The following FRMD4A variants were observed in gnomAD, a reference collection of about 807,000 sequenced individuals.
FRMD4A encodes the protein FERM domain containing 4A.
A neutral mutation model predicts 129.1 loss-of-function variants in FRMD4A; 29 were observed. The observed-to-expected ratio is 0.22, with a 90% CI of 0.17 to 0.31. The LOEUF is 0.31. Ranked by LOEUF, FRMD4A falls within the 10% of genes least tolerant of loss-of-function variation. The pLI is 1.00. For synonymous variants in FRMD4A, 634 were observed against 571.6 expected (o/e 1.11, Z -1.56); for missense variants, 1,272 against 1,375.8 (o/e 0.92, Z 1.19).
chr10:14,245,705 C>T (rs1055581281), intron 2 of FRMD4A, among the ~76,000 whole-genome samples: 1 of 152,020 alleles, frequency 6.6e-6, no homozygotes, highest in Non-Finnish European at 1.5e-5. Flanking sequence ...ATGTGAAGAC[C>T]CAGGGAGAAG....
chr10:13,698,031 C>T (rs2086395494), intron 14 of FRMD4A, among the ~76,000 whole-genome samples: 1 of 146,062 alleles, frequency 6.8e-6, no homozygotes, highest in Non-Finnish European at 1.5e-5. Flanking sequence ...CAGCCTCCCT[C>T]CGCCCTGTCT....
intron 2 of FRMD4A, among the ~76,000 whole-genome samples, chr10:14,023,190 C>T (rs1387171053): frequency 6.6e-6 from 1 of 152,214 alleles, no homozygotes; most frequent in Non-Finnish European, 1.5e-5. Flanking sequence ...ACGCATTCCT[C>T]CTCCAGGCAT....
chr10:13,684,621 G>C (rs946431910), intron 15 of FRMD4A: 39 of 985,202 alleles, frequency 4.0e-5, no homozygotes, highest in Non-Finnish European at 4.7e-5. Context: ...GAAGACCCTG[G>C]GCGACTCAGC....
intron 13 of FRMD4A, among the ~76,000 whole-genome samples, chr10:13,702,421 A>G (rs545481567): frequency 6.6e-6 from 1 of 152,174 alleles, no homozygotes; most frequent in Non-Finnish European, 1.5e-5. Flanking sequence ...TGAAAACGGG[A>G]ACTGTTCATC....
At chr10:13,694,159 T>C (rs1376988980) in intron 14 of FRMD4A, 120 bp from the exon 15 acceptor site, 1 of 714,722 alleles carries the variant, frequency 1.4e-6, no homozygotes, top group African/African-American at 1.8e-5. Context: ...TCTCCCTGAC[T>C]AATGTGCAGC....
chr10:13,844,674 A>G (rs549090358), intron 3 of FRMD4A, among the ~76,000 whole-genome samples: 1 of 152,350 alleles, frequency 6.6e-6, no homozygotes, highest in African/African-American at 2.4e-5. Flanking sequence ...GAAATTCTTG[A>G]TCAGTTTGAA....
intron 5 of FRMD4A, among the ~76,000 whole-genome samples, chr10:13,787,660 T>A (rs752626278): frequency 9.2e-5 from 14 of 152,118 alleles, no homozygotes; most frequent in African/African-American, 9.6e-5. Flanking sequence ...GGTCTCACTA[T>A]GTTGCCCAGG....
At chr10:14,277,063 C>T (rs909013287) in intron 2 of FRMD4A, among the ~76,000 whole-genome samples, 1 of 152,080 alleles carries the variant, frequency 6.6e-6, no homozygotes, top group Non-Finnish European at 1.5e-5. Flanking sequence ...CGGGGTTTTG[C>T]CAACTTGCCC....
chr10:14,037,704 A>G (rs1050456728), intron 2 of FRMD4A, among the ~76,000 whole-genome samples: 7 of 152,180 alleles, frequency 4.6e-5, no homozygotes, highest in African/African-American at 1.4e-4. Flanking sequence ...CATGGAGGTT[A>G]TACCAATTTA....
intron 2 of FRMD4A, among the ~76,000 whole-genome samples, chr10:14,250,570 A>G (rs975598971): frequency 2.6e-5 from 4 of 152,228 alleles, no homozygotes; most frequent in Non-Finnish European, 5.9e-5. Context: ...TGTAGAACCA[A>G]CAAAGTGTGT....
chr10:14,050,756 T>A (rs1247483086), intron 2 of FRMD4A, among the ~76,000 whole-genome samples: 1 of 152,176 alleles, frequency 6.6e-6, no homozygotes, highest in African/African-American at 2.4e-5. Flanking sequence ...TTTGGAGAGC[T>A]TCCAAGTGGG....
intron 2 of FRMD4A, among the ~76,000 whole-genome samples, chr10:14,310,742 C>A (rs901365665): frequency 1.3e-5 from 2 of 152,168 alleles, no homozygotes; most frequent in African/African-American, 4.8e-5. Context: ...AAATGGCACA[C>A]CTTGTCCAAC....
Position 13,934,475 on chromosome 10 carries a change from T to C in FRMD4A, c.46-75563A>G, listed in dbSNP as rs535762187. Among the ~76,000 whole-genome samples the C allele has an allele frequency of 2.3e-3, 349 of 152,292 alleles. 1 individual carries two copies. Among genetic ancestry groups the C allele is most frequent in the African/African-American group, 8.0e-3 (332 of 41,574 alleles). On this transcript the variant is annotated intron_variant, in intron 2 of 24. Transcript: ENST00000357447. ...CTAGTCATTCATTTTAAAACTTTTTTTTTTTTTAAATGGAGATGCTGGCTG... is the reference window on the plus strand; with the variant it reads ...CTAGTCATTCATTTTAAAACTTTTTCTTTTTTTAAATGGAGATGCTGGCTG...
rs375537905 is a variant in FRMD4A at position 14,279,889 on chromosome 10, C to T, written c.45+50169G>A. Reference sequence around the variant, plus strand: ...ACTCAAGCCTATGGTCATAACCACTCCACATTATTGCTGTCTTCGCAGGTC... The same window carrying T: ...ACTCAAGCCTATGGTCATAACCACTTCACATTATTGCTGTCTTCGCAGGTC... On this transcript the variant is annotated intron_variant, in intron 2 of 24. Coordinates refer to ENST00000357447, the MANE Select transcript of FRMD4A (RefSeq NM_018027.5). Among the ~76,000 whole-genome samples, 4 of 152,344 alleles carry T rather than the reference C, an allele frequency of 2.6e-5. No homozygotes were observed. The South Asian group carries it at 6.2e-4, about 24-fold the overall frequency.
intron 2 of FRMD4A, among the ~76,000 whole-genome samples, chr10:14,319,669 C>T (rs181109395): frequency 6.6e-6 from 1 of 152,290 alleles, no homozygotes; most frequent in East Asian, 1.9e-4. Context: ...ATGCACCTCT[C>T]TCAGGCTTGG....
At position 14,318,363 on chromosome 10, in the gene FRMD4A, GAC is replaced by G. The variant is rs527868430; in HGVS notation, c.45+11693_45+11694del. 8.6e-5 allele frequency among the ~76,000 whole-genome samples: 12 copies of G among 139,630 alleles called. No individual in the cohort carries two copies. The South Asian group carries it at 2.8e-3, about 32-fold the overall frequency. 91.6% of individuals were successfully genotyped at this position (139,630 alleles called of 152,430 possible). A position where few individuals can be genotyped will look rare whatever the true frequency, so the allele number is the denominator to read the frequency against. ...TTTACCTTGACACATGGGCAATAAA[GAC>G]ACAAAACAAGTTATTAGTCCCAAGG... On this transcript the variant is annotated intron_variant, in intron 2 of 24. Transcript: ENST00000357447.
chr10:13,822,275 C>A (rs2093640830), intron 3 of FRMD4A, among the ~76,000 whole-genome samples: 1 of 152,216 alleles, frequency 6.6e-6, no homozygotes, highest in Non-Finnish European at 1.5e-5. Context: ...TTATTAGCTA[C>A]AATAACCACG....
At chr10:13,678,063 T>G (rs2084152307) in intron 15 of FRMD4A, among the ~76,000 whole-genome samples, 1 of 152,188 alleles carries the variant, frequency 6.6e-6, no homozygotes, top group Non-Finnish European at 1.5e-5. Flanking sequence ...AAGCACACAG[T>G]TTTTGGATGA....
intron 2 of FRMD4A, among the ~76,000 whole-genome samples, chr10:14,116,976 T>C (rs1838230622): frequency 6.6e-6 from 1 of 152,260 alleles, no homozygotes; most frequent in Non-Finnish European, 1.5e-5. Context: ...GCAGACCTCC[T>C]GCAGCAGAGC....
Sources: allele counts gnomAD v4.1 joint callset (sites outside exome capture counted in the v4.1 genomes callset), GRCh38; gene constraint gnomAD v4.1.1; transcripts MANE v1.5; gene names NCBI Gene and HGNC (gene_info 2026-07-23, HGNC 2026-07-21).